The following HS3ST5 variants were observed in gnomAD, a reference collection of about 807,000 sequenced individuals.
The protein encoded by HS3ST5 is heparan sulfate-glucosamine 3-sulfotransferase 5, also known as heparan sulfate glucosamine 3-O-sulfotransferase 5.
Under a neutral mutation model 25.4 loss-of-function variants are expected in HS3ST5, and 10 were observed. The ratio of observed to expected loss-of-function variants is 0.39; its 90% confidence interval spans 0.24 to 0.67. The LOEUF (loss-of-function observed/expected upper bound fraction) is 0.67. Among genes scored for constraint, HS3ST5 ranks in the 30% least tolerant of loss-of-function variants. The probability of loss-of-function intolerance (pLI) is 0.44; values close to 1 mark genes in which losing one functional copy is unlikely to be tolerated. For synonymous variants in HS3ST5, 170 were observed against 162.4 expected, an observed-to-expected ratio of 1.05 and a Z score of -0.36; for missense variants, 324 against 420.7, an observed-to-expected ratio of 0.77 and a Z score of 2.01.
chr6:114,338,405 G>T (rs1210297920), intron 1 of HS3ST5, among the ~76,000 whole-genome samples: 1 of 151,320 alleles, frequency 6.6e-6, no homozygotes, highest in Non-Finnish European at 1.5e-5. Flanking sequence ...TAGGCAAAGT[G>T]GTCTAAAGTC....
At chr6:114,163,442 T>G (rs1779066542) in intron 3 of HS3ST5, among the ~76,000 whole-genome samples, 1 of 152,080 alleles carries the variant, frequency 6.6e-6, no homozygotes, top group Non-Finnish European at 1.5e-5. Context: ...TCCAGAGTCT[T>G]TATTGTATAA....
At chr6:114,085,913 TTAAATTCATA>T (rs1774777484) in intron 3 of HS3ST5, among the ~76,000 whole-genome samples, 1 of 148,948 alleles carries the variant, frequency 6.7e-6, no homozygotes, top group African/African-American at 2.5e-5. Context: ...TCATTTTCTC[TTAAATTCATA>T]TAAATTCATT....
chr6:114,120,275 AT>A (rs968724794), intron 3 of HS3ST5, among the ~76,000 whole-genome samples: 10 of 152,160 alleles, frequency 6.6e-5, no homozygotes, highest in Non-Finnish European at 1.5e-4. Flanking sequence ...CCTTTACCTG[AT>A]TTTTTTCCCC....
chr6:114,225,487 A>C (rs1392157680), intron 2 of HS3ST5, among the ~76,000 whole-genome samples: 1 of 151,890 alleles, frequency 6.6e-6, no homozygotes, highest in Non-Finnish European at 1.5e-5. Context: ...AAACAGGTTC[A>C]GGCAAAGGTG....
At chr6:114,119,880 A>G (rs1776699250) in intron 3 of HS3ST5, among the ~76,000 whole-genome samples, 1 of 152,136 alleles carries the variant, frequency 6.6e-6, no homozygotes, top group African/African-American at 2.4e-5. Context: ...AGAGATAAAC[A>G]ATAAAGAAGT....
At chr6:114,173,481 A>T (rs1304301436) in intron 2 of HS3ST5, among the ~76,000 whole-genome samples, 2 of 152,242 alleles carry the variant, frequency 1.3e-5, no homozygotes, top group African/African-American at 4.8e-5. Context: ...GATAAGTCAA[A>T]GAAATTTCTA....
chr6:114,249,918 G>A (rs1034814086), intron 1 of HS3ST5, among the ~76,000 whole-genome samples: 6 of 152,082 alleles, frequency 3.9e-5, no homozygotes, highest in African/African-American at 1.4e-4. Context: ...GAAAAACAAA[G>A]ATAACTAATG....
chr6:114,338,730 C>G (rs1776709488), intron 1 of HS3ST5, among the ~76,000 whole-genome samples: 1 of 152,028 alleles, frequency 6.6e-6, no homozygotes, highest in Admixed American at 6.6e-5. Context: ...CATTAAAACT[C>G]AGAAACAAAC....
rs576580916 is a variant in HS3ST5, at chr6:114,102,353, CTG to C, written c.-32-39478_-32-39477del. Among the ~76,000 whole-genome samples, 43 of 152,280 alleles carry C rather than the reference CTG, an allele frequency of 2.8e-4. No homozygotes were observed. The East Asian group carries it at 8.3e-3, about 29-fold the overall frequency. On this transcript the variant is annotated intron_variant, in intron 3 of 4. Transcript: ENST00000312719. Reference sequence around the variant, plus strand: ...AGAACGTAAGCTGGTTCCGGAATCTCTGTCATTCGGCACTGAAATGGGAGCTG... The same window carrying C: ...AGAACGTAAGCTGGTTCCGGAATCTCTCATTCGGCACTGAAATGGGAGCTG...
At chr6:114,230,540 T>C (rs1188349955) in intron 1 of HS3ST5, among the ~76,000 whole-genome samples, 1 of 152,078 alleles carries the variant, frequency 6.6e-6, no homozygotes, top group Non-Finnish European at 1.5e-5. Flanking sequence ...TTTAATAGAT[T>C]TCTCTATTTC....
At chr6:114,224,664 CTTA>C (rs1393300370) in intron 2 of HS3ST5, among the ~76,000 whole-genome samples, 1 of 147,958 alleles carries the variant, frequency 6.8e-6, no homozygotes, top group Non-Finnish European at 1.5e-5. Flanking sequence ...AATCAAATAA[CTTA>C]TTTTATACAT....
At chr6:114,222,613 G>A (rs1330647965) in intron 2 of HS3ST5, among the ~76,000 whole-genome samples, 4 of 151,736 alleles carry the variant, frequency 2.6e-5, no homozygotes, top group Non-Finnish European at 5.9e-5. Context: ...TGTTGATGAC[G>A]CATGATAGAA....
At chr6:114,075,085 G>A (rs1419075169) in intron 3 of HS3ST5, among the ~76,000 whole-genome samples, 1 of 152,212 alleles carries the variant, frequency 6.6e-6, no homozygotes, top group East Asian at 1.9e-4. Context: ...AGGAACTGCA[G>A]ATGCAGGAAA....
intron 2 of HS3ST5, among the ~76,000 whole-genome samples, chr6:114,185,777 T>A (rs2115033049): frequency 6.6e-6 from 1 of 151,502 alleles, no homozygotes; most frequent in Admixed American, 6.6e-5. Context: ...TCTTGATCTG[T>A]CACTGAGGCT....
intron 3 of HS3ST5, among the ~76,000 whole-genome samples, chr6:114,153,019 G>C (rs1290231147): frequency 6.6e-6 from 1 of 152,162 alleles, no homozygotes; most frequent in Non-Finnish European, 1.5e-5. Context: ...ACTCTACAAG[G>C]AGTTGAAGTC....
chr6:114,268,519 G>A (rs975211063), intron 1 of HS3ST5, among the ~76,000 whole-genome samples: 1 of 152,144 alleles, frequency 6.6e-6, no homozygotes, highest in African/African-American at 2.4e-5. Flanking sequence ...GAAGAGACAT[G>A]TGTAATACAG....
At chr6:114,341,970 G>GC (rs1386394930) in intron 1 of HS3ST5, among the ~76,000 whole-genome samples, 6 of 152,120 alleles carry the variant, frequency 3.9e-5, no homozygotes, top group African/African-American at 1.4e-4. Context: ...CCCAGGAATT[G>GC]CCCCCGCCGT....
chr6:114,254,591 G>GTTC (rs1298008098), intron 1 of HS3ST5, among the ~76,000 whole-genome samples: 2 of 152,094 alleles, frequency 1.3e-5, no homozygotes, highest in Admixed American at 1.3e-4. Flanking sequence ...ACCCGAGAGT[G>GTTC]GGAAAATTAC....
At chr6:114,216,054 G>A (rs1053910679) in intron 2 of HS3ST5, among the ~76,000 whole-genome samples, 1 of 152,216 alleles carries the variant, frequency 6.6e-6, no homozygotes. Flanking sequence ...TATCTATTGG[G>A]TTTTAACTGC....
Sources: gnomAD v4.1 joint callset for allele counts (sites outside exome capture counted in the v4.1 genomes callset) on GRCh38, gnomAD v4.1.1 for gene constraint, MANE v1.5 for transcripts, NCBI Gene and HGNC (gene_info 2026-07-23, HGNC 2026-07-21) for gene names.